The following ATP10A variants were observed in gnomAD, a reference collection of about 807,000 sequenced individuals.
The protein encoded by ATP10A is phospholipid-transporting ATPase VA.
ATP10A carries 111 observed loss-of-function variants against 147.8 expected under a neutral mutation model. The observed-to-expected ratio is 0.75, with a 90% CI of 0.64 to 0.88. ATP10A has a LOEUF of 0.88. Among genes scored for constraint, ATP10A ranks in the 40% least tolerant of loss-of-function variants. ATP10A has a pLI of 0.00. For synonymous variants in ATP10A, 875 were observed against 841.6 expected, an observed-to-expected ratio of 1.04 and a Z score of -0.69; for missense variants, 1,927 against 1,959.0, an observed-to-expected ratio of 0.98 and a Z score of 0.31.
rs75177791 is a variant in ATP10A at position 25,815,960 on chromosome 15, G to A, written c.450-34737C>T. Among the ~76,000 whole-genome samples, 1,322 of 151,330 alleles carry A rather than the reference G, an allele frequency of 8.7e-3. 24 individuals carry two copies. The highest frequency in any genetic ancestry group is 0.031 in the African/African-American group (1,270 of 41,160). Reference sequence around the variant, plus strand: ...TAAGGGTTAATCTGACAATTGTGTAGGGTGGAAAGTTTTAAGAAAAGAAGA... The same window carrying A: ...TAAGGGTTAATCTGACAATTGTGTAAGGTGGAAAGTTTTAAGAAAAGAAGA... On this transcript the variant is annotated intron_variant, in intron 1 of 20. Coordinates refer to ENST00000555815, the MANE Select transcript of ATP10A (RefSeq NM_024490.4).
intron 9 of ATP10A, 57 bp from the exon 10 acceptor site, chr15:25,714,298 C>G (rs1417986941): frequency 1.0e-5 from 16 of 1,532,300 alleles, no homozygotes; most frequent in Non-Finnish European, 2.7e-6. Context: ...CCCAGAGGCC[C>G]CACCCTGGTT....
intron 1 of ATP10A, among the ~76,000 whole-genome samples, chr15:25,807,809 CAAAAAAAAGAAAAAG>C (rs1166262627): frequency 8.1e-6 from 1 of 122,996 alleles, no homozygotes; most frequent in Non-Finnish European, 1.8e-5. Flanking sequence ...TCCCCCCGGC[CAAAAAAAAGAAAAAG>C]AAAAAAAAAA....
chr15:25,825,014 C>T (rs555113176), intron 1 of ATP10A, among the ~76,000 whole-genome samples: 2 of 152,116 alleles, frequency 1.3e-5, no homozygotes, highest in African/African-American at 2.4e-5. Context: ...GACACCTTCA[C>T]TCTGGGAAAA....
At chr15:25,726,225 A>C (rs1307780107) in intron 4 of ATP10A, 143 bp from the exon 5 acceptor site, 1 of 830,040 alleles carries the variant, frequency 1.2e-6, no homozygotes, top group East Asian at 2.7e-5. Flanking sequence ...GTTTAAAATT[A>C]ATCTTACTTC....
chr15:25,800,238 A>T (rs978903272), intron 1 of ATP10A, among the ~76,000 whole-genome samples: 9 of 152,182 alleles, frequency 5.9e-5, no homozygotes, highest in Admixed American at 6.5e-5. Context: ...CAGAATCGGC[A>T]TTGCTGAGTT....
chr15:25,843,232 C>A (rs1376330634), intron 1 of ATP10A, among the ~76,000 whole-genome samples: 20 of 147,880 alleles, frequency 1.4e-4, no homozygotes, highest in Non-Finnish European at 1.7e-4. Flanking sequence ...CCCCACCCCC[C>A]ACCCCCACCG....
At chr15:25,824,588 A>T (rs566049186) in intron 1 of ATP10A, among the ~76,000 whole-genome samples, 2 of 150,068 alleles carry the variant, frequency 1.3e-5, no homozygotes, top group African/African-American at 4.9e-5. Flanking sequence ...TTTTAACGAA[A>T]CACATTTAAT....
chr15:25,740,278 A>G (rs563929211), intron 2 of ATP10A, among the ~76,000 whole-genome samples: 2 of 152,246 alleles, frequency 1.3e-5, no homozygotes, highest in Non-Finnish European at 2.9e-5. Flanking sequence ...AAACTAAAGT[A>G]AAGAGGTTCA....
chr15:25,672,816 G>C (rs750151111), downstream of ATP10A, among the ~76,000 whole-genome samples: 13 of 152,148 alleles, frequency 8.5e-5, no homozygotes, highest in East Asian at 5.8e-4. Context: ...AAAAACTCTT[G>C]TAGGATATGT....
At chr15:25,765,216 G>A (rs1005590723) in intron 2 of ATP10A, among the ~76,000 whole-genome samples, 4 of 152,110 alleles carry the variant, frequency 2.6e-5, no homozygotes, top group African/African-American at 9.7e-5. Flanking sequence ...TGGTGGCTTC[G>A]TGGAGAGACA....
intron 1 of ATP10A, among the ~76,000 whole-genome samples, chr15:25,836,865 C>T (rs569694965): frequency 1.1e-4 from 16 of 152,280 alleles, no homozygotes; most frequent in African/African-American, 3.8e-4. Context: ...CTGTCCCTCT[C>T]CCTGGCCTGC....
At chr15:25,851,519 C>T (rs756074077) in intron 1 of ATP10A, among the ~76,000 whole-genome samples, 5 of 152,168 alleles carry the variant, frequency 3.3e-5, no homozygotes, top group Non-Finnish European at 7.4e-5. Context: ...TTACAATATA[C>T]GCCACATTGC....
chr15:25,766,120 A>G (rs1160413802), intron 2 of ATP10A, among the ~76,000 whole-genome samples: 3 of 152,200 alleles, frequency 2.0e-5, no homozygotes, highest in Non-Finnish European at 4.4e-5. Flanking sequence ...GGAAGAAACA[A>G]AAGTGGAAAC....
At chr15:25,708,341 G>C (rs145923424) in intron 10 of ATP10A, 41 bp from the exon 11 acceptor site, 2 of 1,563,380 alleles carry the variant, frequency 1.3e-6, no homozygotes, top group African/African-American at 2.7e-5. Context: ...AAGAACTGGC[G>C]CCTGTGGAAT....
chr15:25,849,120 A>G (rs1253841964), intron 1 of ATP10A, among the ~76,000 whole-genome samples: 1 of 151,862 alleles, frequency 6.6e-6, no homozygotes, highest in African/African-American at 2.4e-5. Context: ...TTTAGAATCC[A>G]TTAGTTTGAA....
At chr15:25,760,249 A>G (rs1272559749) in intron 2 of ATP10A, among the ~76,000 whole-genome samples, 1 of 152,250 alleles carries the variant, frequency 6.6e-6, no homozygotes, top group Non-Finnish European at 1.5e-5. Context: ...AATATTTTAA[A>G]TTATATGGGA....
intron 13 of ATP10A, among the ~76,000 whole-genome samples, chr15:25,696,241 AAAG>A (rs1277433699): frequency 2.0e-5 from 3 of 152,236 alleles, no homozygotes. Context: ...AGACTAGAGA[AAAG>A]AAGACTGAAA....
At chr15:25,729,541 C>A (rs541880407) in intron 3 of ATP10A, among the ~76,000 whole-genome samples, 2 of 152,182 alleles carry the variant, frequency 1.3e-5, no homozygotes, top group Non-Finnish European at 1.5e-5. Flanking sequence ...GAGCAATCTT[C>A]GAGTGTGCGC....
At chr15:25,835,132 G>C (rs1434318618) in intron 1 of ATP10A, among the ~76,000 whole-genome samples, 1 of 152,144 alleles carries the variant, frequency 6.6e-6, no homozygotes, top group African/African-American at 2.4e-5. Flanking sequence ...AGCTGGGCAT[G>C]ATGGCATGAG....
Sources: allele counts gnomAD v4.1 joint callset (sites outside exome capture counted in the v4.1 genomes callset), GRCh38; gene constraint gnomAD v4.1.1; transcripts MANE v1.5; gene names NCBI Gene and HGNC (gene_info 2026-07-23, HGNC 2026-07-21).